The following CADPS variants were observed in gnomAD, a reference collection of about 807,000 sequenced individuals.
The protein encoded by CADPS is calcium dependent secretion activator, also known as calcium-dependent secretion activator 1.
A neutral mutation model predicts 167.3 loss-of-function variants in CADPS; 57 were observed. The observed-to-expected ratio is 0.34, with a 90% CI of 0.28 to 0.42. CADPS has a LOEUF of 0.42. Among genes scored for constraint, CADPS ranks in the 20% least tolerant of loss-of-function variants. CADPS has a pLI of 1.00. For missense variants in CADPS, 1,414 were observed against 1,738.1 expected (o/e 0.81, Z 3.32); for synonymous variants, 676 against 635.3 (o/e 1.06, Z -0.96).
intron 3 of CADPS, among the ~76,000 whole-genome samples, chr3:62,732,067 G>T (rs1212284085): frequency 6.6e-6 from 1 of 152,036 alleles, no homozygotes; most frequent in African/African-American, 2.4e-5. Context: ...GTCTCATTTT[G>T]AACTTCCTCA....
intron 1 of CADPS, among the ~76,000 whole-genome samples, chr3:62,804,599 G>T (rs891698384): frequency 1.6e-4 from 24 of 151,000 alleles, no homozygotes; most frequent in African/African-American, 5.8e-4. Flanking sequence ...GAGAGCTGCA[G>T]TAACAACATG....
intron 1 of CADPS, among the ~76,000 whole-genome samples, chr3:62,855,795 A>G (rs1000769260): frequency 1.3e-5 from 2 of 152,182 alleles, no homozygotes; most frequent in Non-Finnish European, 2.9e-5. Context: ...ATATCTGGCT[A>G]TGATTTCCAG....
intron 3 of CADPS, among the ~76,000 whole-genome samples, chr3:62,748,104 A>T (rs146675748): frequency 0.019 from 2,782 of 148,848 alleles, 48 homozygotes; most frequent in South Asian, 0.057. Flanking sequence ...GCGGATCACA[A>T]GGTCAGGAGA....
At chr3:62,802,814 C>T (rs2093851611) in intron 1 of CADPS, among the ~76,000 whole-genome samples, 1 of 152,170 alleles carries the variant, frequency 6.6e-6, no homozygotes. Flanking sequence ...GTCAACTAAG[C>T]AATTCCCAGC....
At chr3:62,437,736 C>T (rs2055433287) in intron 28 of CADPS, among the ~76,000 whole-genome samples, 1 of 152,178 alleles carries the variant, frequency 6.6e-6, no homozygotes, top group Admixed American at 6.5e-5. Context: ...TTGGTCTCAG[C>T]CTCCCTGATG....
chr3:62,596,200 ATT>A (rs11361617), intron 6 of CADPS, among the ~76,000 whole-genome samples: 7,139 of 136,676 alleles, frequency 0.052, 518 homozygotes, highest in African/African-American at 0.15. Flanking sequence ...ACAGAGTGCT[ATT>A]TTTTTTTTTT....
At position 62,478,426 on chromosome 3, in the gene CADPS, C is replaced by T. The variant is rs757691188; in HGVS notation, c.3174-10G>A. ...GGTGCCTGACCCATTACTGGCAGGACAAAAATTAGAAAATGAGAGTCACCC... is the reference window on the plus strand; with the variant it reads ...GGTGCCTGACCCATTACTGGCAGGATAAAAATTAGAAAATGAGAGTCACCC... On this transcript the variant is annotated splice_polypyrimidine_tract_variant and intron_variant, in intron 22 of 29. Coordinates refer to ENST00000383710, the MANE Select transcript of CADPS (RefSeq NM_003716.4). The surrounding 1 kb of genome is among the most constrained non-coding windows in gnomAD (Gnocchi z 5.7). 13 of 1,611,506 alleles carry T rather than the reference C, an allele frequency of 8.1e-6. No individual in the cohort carries two copies. In the East Asian group the frequency reaches 2.2e-4, roughly 28 times the overall value.
At chr3:62,457,233 ATAATG>A (rs1476315442) in intron 26 of CADPS, among the ~76,000 whole-genome samples, 1 of 152,196 alleles carries the variant, frequency 6.6e-6, no homozygotes, top group African/African-American at 2.4e-5. Context: ...CCCACACCAC[ATAATG>A]TAGGTCTTAT....
chr3:62,626,264 T>C, intron 6 of CADPS: 1 of 351,036 alleles, frequency 2.8e-6, no homozygotes, highest in Non-Finnish European at 5.0e-6. Context: ...TTTTCTTTCT[T>C]TTGTCTTGAG....
chr3:62,451,847 A>G (rs746068573), intron 26 of CADPS, among the ~76,000 whole-genome samples: 4 of 152,130 alleles, frequency 2.6e-5, no homozygotes, highest in Admixed American at 6.5e-5. Context: ...CCCTAACCCA[A>G]GCAATTTAGA....
chr3:62,507,025 G>A (rs2066813773), intron 17 of CADPS, among the ~76,000 whole-genome samples: 1 of 152,112 alleles, frequency 6.6e-6, no homozygotes. Context: ...CTAGCTACAT[G>A]AACCAAAAAA....
chr3:62,647,344 T>A (rs2068813073), intron 5 of CADPS, among the ~76,000 whole-genome samples: 1 of 152,160 alleles, frequency 6.6e-6, no homozygotes, highest in Admixed American at 6.5e-5. Flanking sequence ...TGAATCAGAA[T>A]CATTTATAGG....
At chr3:62,464,237 G>C (rs911987597) in intron 26 of CADPS, among the ~76,000 whole-genome samples, 1 of 152,160 alleles carries the variant, frequency 6.6e-6, no homozygotes, top group Non-Finnish European at 1.5e-5. Context: ...CTTAAGATCA[G>C]ACAGCTGTTA....
At chr3:62,546,347 G>A (rs563844424) in intron 11 of CADPS, among the ~76,000 whole-genome samples, 12 of 152,264 alleles carry the variant, frequency 7.9e-5, no homozygotes, top group East Asian at 3.9e-4. Flanking sequence ...GGATTGAAGC[G>A]TTTCCTGGGA....
At chr3:62,657,245 A>G (rs138323016) in intron 4 of CADPS, among the ~76,000 whole-genome samples, 1 of 152,292 alleles carries the variant, frequency 6.6e-6, no homozygotes, top group South Asian at 2.1e-4. Context: ...TGAGCTACTA[A>G]TTGTGCTCTG....
chr3:62,600,944 C>G (rs772929073), intron 6 of CADPS, among the ~76,000 whole-genome samples: 1 of 152,066 alleles, frequency 6.6e-6, no homozygotes, highest in Non-Finnish European at 1.5e-5. Flanking sequence ...CATAGTGATA[C>G]CCAGTCTCTT....
chr3:62,836,823 G>A lies in CADPS; in HGVS notation c.441+37766C>T, dbSNP rs140315768. Among the ~76,000 whole-genome samples the A allele has an allele frequency of 1.5e-3, 232 of 152,216 alleles. 3 individuals carry two copies. In the East Asian group the frequency reaches 0.035, roughly 23 times the overall value. On this transcript the variant is annotated intron_variant, in intron 1 of 29. Coordinates refer to ENST00000383710, the MANE Select transcript of CADPS (RefSeq NM_003716.4). ...ACTTTCCTTTCGCCCACCCCCCGTT[G>A]TCATCAGAAAAGTGACTGGAATCTT...
At position 62,514,462 on chromosome 3, in the gene CADPS, G is replaced by C. The variant is rs534405791; in HGVS notation, c.2581+1597C>G. 6.6e-6 allele frequency among the ~76,000 whole-genome samples: 1 copy of C among 151,982 alleles called. No individual in the cohort carries two copies. The highest frequency in any genetic ancestry group is 2.4e-5 in the African/African-American group (1 of 41,508). ...GGAATGAGGTACTTCTCTGAAAAGA[G>C]AGTTGAAAAAAAAGAATTGGTTTCT... On this transcript the variant is annotated intron_variant, in intron 16 of 29. Transcript: ENST00000383710. The surrounding 1 kb of genome is among the most constrained non-coding windows in gnomAD (Gnocchi z 4.2).
intron 9 of CADPS, among the ~76,000 whole-genome samples, chr3:62,566,697 A>G (rs188204391): frequency 6.2e-4 from 95 of 152,108 alleles, no homozygotes; most frequent in Non-Finnish European, 1.3e-3. Flanking sequence ...GAAAGAGAAG[A>G]CCTGAGTTGT....
Sources: allele counts gnomAD v4.1 joint callset (sites outside exome capture counted in the v4.1 genomes callset), GRCh38; gene constraint gnomAD v4.1.1; non-coding constraint Gnocchi (gnomAD v3.1); transcripts MANE v1.5; gene names NCBI Gene and HGNC (gene_info 2026-07-23, HGNC 2026-07-21).